Variants in KIAA0586 observed in about 807,000 individuals in gnomAD.
The protein encoded by KIAA0586 is KIAA0586, also known as protein TALPID3.
In KIAA0586, 144 loss-of-function variants were observed where a neutral mutation model predicts 169.8. The ratio of observed to expected loss-of-function variants is 0.85; its 90% CI spans 0.74 to 0.97. KIAA0586 has a LOEUF of 0.97. Among genes scored for constraint, KIAA0586 ranks in the 50% least tolerant of loss-of-function variants. KIAA0586 has a pLI of 0.00. For missense variants in KIAA0586, 1,854 were observed against 1,823.0 expected, an observed-to-expected ratio of 1.02 and a Z score of -0.31; for synonymous variants, 625 against 612.4, an observed-to-expected ratio of 1.02 and a Z score of -0.30.
At chr14:58,522,226 A>G (rs2045277714) in intron 29 of KIAA0586, among the ~76,000 whole-genome samples, 1 of 152,066 alleles carries the variant, frequency 6.6e-6, no homozygotes, top group African/African-American at 2.4e-5. Context: ...TTTTGCTTTT[A>G]ATTTTGATAC....
chr14:58,432,660 C>G (rs1256796048), intron 4 of KIAA0586, among the ~76,000 whole-genome samples: 2 of 152,156 alleles, frequency 1.3e-5, no homozygotes, highest in Non-Finnish European at 2.9e-5. Context: ...AGTATTAACT[C>G]ATTTAACACA....
At chr14:58,462,981 G>T (rs909264225) in intron 14 of KIAA0586, among the ~76,000 whole-genome samples, 2 of 152,124 alleles carry the variant, frequency 1.3e-5, no homozygotes. Flanking sequence ...GGTCTCTCCC[G>T]TGACGCATGG....
chr14:58,482,782 G>A, intron 21 of KIAA0586, 70 bp downstream of exon 21: 1 of 1,027,350 alleles, frequency 9.7e-7, no homozygotes, highest in Non-Finnish European at 1.4e-6. Flanking sequence ...CATACCATAA[G>A]ATCATTGTTT....
At chr14:58,461,596 G>A (rs1412843698) in intron 14 of KIAA0586, among the ~76,000 whole-genome samples, 3 of 151,936 alleles carry the variant, frequency 2.0e-5, no homozygotes, top group Non-Finnish European at 4.4e-5. Context: ...TACCACGCCT[G>A]GCTAATTTTT....
chr14:58,480,766 T>C (rs985716495), intron 20 of KIAA0586, among the ~76,000 whole-genome samples: 1 of 152,244 alleles, frequency 6.6e-6, no homozygotes, highest in Non-Finnish European at 1.5e-5. Flanking sequence ...TAATTTGTCC[T>C]ATTTAGCATA....
At chr14:58,531,296 C>T (rs1404568430) in intron 29 of KIAA0586, among the ~76,000 whole-genome samples, 17 of 147,082 alleles carry the variant, frequency 1.2e-4, no homozygotes, top group Non-Finnish European at 2.2e-4. Flanking sequence ...CACTGCACTC[C>T]AGCCTGGGGG....
intron 29 of KIAA0586, chr14:58,521,511 T>C: frequency 1.3e-6 from 1 of 763,532 alleles, no homozygotes. Flanking sequence ...CAGCACATGT[T>C]CCTCCTCCTC....
chr14:58,460,860 C>A, intron 13 of KIAA0586, 126 bp from the exon 14 acceptor site: 1 of 548,808 alleles, frequency 1.8e-6, no homozygotes, highest in Non-Finnish European at 2.9e-6. Flanking sequence ...CTGTTGAAAA[C>A]AGAGGTTATT....
the KIAA0586 span, among the ~76,000 whole-genome samples, chr14:58,561,374 CTT>C: frequency 6.6e-6 from 1 of 152,166 alleles, no homozygotes; most frequent in Non-Finnish European, 1.5e-5. Context: ...AGACCATAGT[CTT>C]TTAATACACA....
At chr14:58,440,769 C>G (rs1451690289) in intron 4 of KIAA0586, among the ~76,000 whole-genome samples, 1 of 152,030 alleles carries the variant, frequency 6.6e-6, no homozygotes, top group African/African-American at 2.4e-5. Context: ...ATCATGTATT[C>G]TCATTTACAT....
Position 58,458,542 on chromosome 14 carries a change from T to C in KIAA0586, c.1653T>C (p.Ile551=), listed in dbSNP as rs374601841. Residue 551 remains isoleucine, a synonymous_variant, in exon 12 of 31, where the codon ATT becomes ATC. Transcript: ENST00000652326. ...GGATTAAAACTATTTCTGCAGAAAT[T>C]CAGGTATGTCTTGGAAAAAAACTGA... is the stretch of plus-strand genomic sequence containing the variant. ...DEWIKTISAE[I]QDELSRTDYE... 117 of 1,525,496 alleles carry C rather than the reference T, an allele frequency of 7.7e-5. No homozygotes were observed. In the African/African-American group the frequency reaches 1.6e-3, roughly 20 times the overall value. The allele number at this position is 1,525,496 out of a possible 1,614,324, so 94.5% of individuals were successfully genotyped here.
intron 30 of KIAA0586, among the ~76,000 whole-genome samples, chr14:58,546,448 G>A (rs1399451524): frequency 1.3e-5 from 2 of 152,138 alleles, no homozygotes; most frequent in Non-Finnish European, 2.9e-5. Context: ...TGTTATTACT[G>A]TAGAAACTAC....
intron 16 of KIAA0586, among the ~76,000 whole-genome samples, chr14:58,469,343 T>C (rs1158441934): frequency 6.6e-6 from 1 of 152,172 alleles, no homozygotes; most frequent in East Asian, 1.9e-4. Context: ...CAACTTCCAG[T>C]CATTCTTGCA....
At chr14:58,485,537 C>T (rs142940918) in intron 21 of KIAA0586, among the ~76,000 whole-genome samples, 1 of 152,120 alleles carries the variant, frequency 6.6e-6, no homozygotes, top group African/African-American at 2.4e-5. Context: ...CTTCTGGGAA[C>T]TTATTCCATA....
At chr14:58,511,113 T>G (rs72718744) in intron 28 of KIAA0586, among the ~76,000 whole-genome samples, 2,451 of 152,308 alleles carry the variant, frequency 0.016, 22 homozygotes, top group Non-Finnish European at 0.026. Flanking sequence ...ACTTTAAATA[T>G]GTGCAGTTTA....
At chr14:58,441,226 C>A in intron 4 of KIAA0586, 1 of 326,850 alleles carries the variant, frequency 3.1e-6, no homozygotes, top group South Asian at 2.3e-5. Context: ...GACAGTGTCT[C>A]ACTTTGTCTC....
intron 27 of KIAA0586, among the ~76,000 whole-genome samples, chr14:58,505,503 G>A (rs1042876484): frequency 1.3e-5 from 2 of 152,112 alleles, no homozygotes; most frequent in African/African-American, 2.4e-5. Flanking sequence ...TTCTATACAC[G>A]AGCAAATGTA....
chr14:58,456,710 C>G lies in KIAA0586; in HGVS notation c.1262C>G (p.Ser421Cys). Residue 421 changes from serine to cysteine, a missense_variant, in exon 10 of 31, where the codon TCC (serine) becomes TGC (cysteine). Transcript: ENST00000652326. The part of the protein sequence containing the change: ...WTPEKTNRFP[S>C]CEELETTKVT... ...ACTCTACCTTCTCAAAGATTTCCTTCCTGTGAAGAGCTAGAAACAACTAAA... is the reference window on the plus strand; with the variant it reads ...ACTCTACCTTCTCAAAGATTTCCTTGCTGTGAAGAGCTAGAAACAACTAAA... 1 of 1,586,208 alleles carries G rather than the reference C, an allele frequency of 6.3e-7. No homozygotes were observed. The highest frequency in any genetic ancestry group is 8.6e-7 in the Non-Finnish European group (1 of 1,161,122).
At chr14:58,470,097 TTTATG>T (rs2041090310) in intron 16 of KIAA0586, among the ~76,000 whole-genome samples, 1 of 150,088 alleles carries the variant, frequency 6.7e-6, no homozygotes, top group Non-Finnish European at 1.5e-5. Flanking sequence ...TGTGTGTGTG[TTTATG>T]TGTGTGTAAG....
Sources: gnomAD v4.1 joint callset for allele counts (sites outside exome capture counted in the v4.1 genomes callset) on GRCh38, gnomAD v4.1.1 for gene constraint, MANE v1.5 for transcripts, NCBI Gene and HGNC (gene_info 2026-07-23, HGNC 2026-07-21) for gene names.